Variants in HSD17B11 observed in about 807,000 individuals in gnomAD.
The protein encoded by HSD17B11 is hydroxysteroid 17-beta dehydrogenase 11.
HSD17B11 carries 22 observed loss-of-function variants against 27.8 expected under a neutral mutation model. The observed-to-expected ratio is 0.79, with a 90% CI of 0.56 to 1.13. HSD17B11 has a LOEUF of 1.13. Among genes scored for constraint, HSD17B11 ranks in the 50% most tolerant of loss-of-function variants. The pLI is 0.00. For missense variants in HSD17B11, 314 were observed against 351.1 expected (o/e 0.89, Z 0.84); for synonymous variants, 117 against 132.8 (o/e 0.88, Z 0.82).
intron 4 of HSD17B11, among the ~76,000 whole-genome samples, chr4:87,371,895 T>C (rs1269370431): frequency 6.6e-6 from 1 of 152,096 alleles, no homozygotes; most frequent in Non-Finnish European, 1.5e-5. Flanking sequence ...AAACCCCTTG[T>C]GTGGTTGCAA....
intron 5 of HSD17B11, among the ~76,000 whole-genome samples, chr4:87,346,406 T>A (rs1560759010): frequency 1.3e-5 from 2 of 152,170 alleles, no homozygotes; most frequent in African/African-American, 4.8e-5. Context: ...CCCAACACTT[T>A]GGGAGGCCGA....
chr4:87,355,644 C>T (rs1182168717), intron 5 of HSD17B11, among the ~76,000 whole-genome samples: 7 of 152,198 alleles, frequency 4.6e-5, no homozygotes, highest in Admixed American at 3.9e-4. Context: ...TGGCTCATGC[C>T]TGTAATCCCA....
Position 87,391,114 on chromosome 4 carries a change from T to TTTTTTTA in HSD17B11, c.-45_-44insTAAAAAA. On this transcript the variant is annotated 5_prime_UTR_variant, in exon 1 of 7. Coordinates refer to ENST00000358290, the MANE Select transcript of HSD17B11 (RefSeq NM_016245.5). ...CGTTTGGTGTGTTTTTTTTTTTTTT[T>TTTTTTTA]ACCACTCTAAACTGCTTTTAGAGGG... 7.1e-7 allele frequency: 1 copy of TTTTTTTA among 1,400,118 alleles called. No homozygotes were observed. The highest frequency in any genetic ancestry group is 9.8e-7 in the Non-Finnish European group (1 of 1,021,032). 86.7% of individuals were successfully genotyped at this position (1,400,118 alleles called of 1,614,324 possible).
intron 5 of HSD17B11, among the ~76,000 whole-genome samples, chr4:87,343,017 C>A (rs1217248064): frequency 6.6e-6 from 1 of 152,202 alleles, no homozygotes; most frequent in African/African-American, 2.4e-5. Context: ...CTTCAATATT[C>A]TCAAGCTCAA....
intron 4 of HSD17B11, among the ~76,000 whole-genome samples, chr4:87,370,081 A>G (rs6531983): frequency 0.77 from 116,573 of 152,108 alleles, 45,658 homozygotes; most frequent in African/African-American, 0.92. Context: ...AGCTAGAATA[A>G]ATTATTTTCT....
intron 5 of HSD17B11, among the ~76,000 whole-genome samples, chr4:87,356,121 C>G (rs1367072444): frequency 6.6e-6 from 1 of 152,118 alleles, no homozygotes; most frequent in Non-Finnish European, 1.5e-5. Flanking sequence ...AGAAGGCAGA[C>G]TGATGAAGAA....
intron 2 of HSD17B11, among the ~76,000 whole-genome samples, chr4:87,379,192 G>A (rs1399731354): frequency 6.7e-6 from 1 of 148,498 alleles, no homozygotes; most frequent in African/African-American, 2.5e-5. Context: ...CCTGACTTCA[G>A]GTGACCATGT....
chr4:87,337,259 T>G lies in HSD17B11; in HGVS notation c.*17A>C, dbSNP rs1735071850. On this transcript the variant is annotated 3_prime_UTR_variant, in exon 7 of 7. Coordinates refer to ENST00000358290, the MANE Select transcript of HSD17B11 (RefSeq NM_016245.5). ...TCAACCTAAACCTGGTAAATCAGTTTTCAGAAAACTAGGTGCTTATTGCGC... is the reference window on the plus strand; with the variant it reads ...TCAACCTAAACCTGGTAAATCAGTTGTCAGAAAACTAGGTGCTTATTGCGC... 1 of 1,505,726 alleles carries G rather than the reference T, an allele frequency of 6.6e-7. No homozygotes were observed. The highest frequency in any genetic ancestry group is 1.4e-5 in the African/African-American group (1 of 72,740). The allele number at this position is 1,505,726 out of a possible 1,614,324, so 93.3% of individuals were successfully genotyped here.
intron 5 of HSD17B11, 74 bp from the exon 6 acceptor site, chr4:87,340,680 G>T: frequency 1.1e-6 from 1 of 918,914 alleles, no homozygotes; most frequent in Non-Finnish European, 1.8e-6. Context: ...CTAACCAACA[G>T]CTTTAGTATG....
intron 2 of HSD17B11, among the ~76,000 whole-genome samples, chr4:87,378,929 A>T (rs57704860): frequency 5.7e-3 from 41 of 7,232 alleles, no homozygotes; most frequent in African/African-American, 0.015. Context: ...AATATATATA[A>T]ATATATATAT....
chr4:87,372,838 G>GA (rs1404837071), intron 3 of HSD17B11, 23 bp from the exon 4 acceptor site: 2 of 1,416,556 alleles, frequency 1.4e-6, no homozygotes, highest in Non-Finnish European at 2.0e-6. Flanking sequence ...TTTATTAAAA[G>GA]AGAAAAAATA....
intron 2 of HSD17B11, among the ~76,000 whole-genome samples, chr4:87,375,084 A>G (rs113033658): frequency 0.052 from 7,916 of 152,126 alleles, 706 homozygotes; most frequent in African/African-American, 0.18. Flanking sequence ...TTTTTAGTAG[A>G]GATTGGATTT....
At chr4:87,343,578 C>G (rs75400391) in intron 5 of HSD17B11, among the ~76,000 whole-genome samples, 4 of 138,304 alleles carry the variant, frequency 2.9e-5, no homozygotes, top group Admixed American at 7.8e-5. Context: ...GACAGAGTCT[C>G]GCTCTGTCGC....
At chr4:87,370,565 A>C (rs956643323) in intron 4 of HSD17B11, among the ~76,000 whole-genome samples, 5 of 148,940 alleles carry the variant, frequency 3.4e-5, no homozygotes, top group African/African-American at 1.2e-4. Context: ...ACAGGCACGT[A>C]CCACACACCC....
chr4:87,373,657 C>T (rs2110125728), intron 3 of HSD17B11, among the ~76,000 whole-genome samples: 1 of 152,112 alleles, frequency 6.6e-6, no homozygotes, highest in East Asian at 1.9e-4. Flanking sequence ...CTGCAGTGAG[C>T]CAAAATCACG....
At chr4:87,390,408 G>A (rs868352416) in intron 1 of HSD17B11, among the ~76,000 whole-genome samples, 3 of 152,256 alleles carry the variant, frequency 2.0e-5, no homozygotes, top group Middle Eastern at 3.4e-3. Context: ...CGCCTGCCTT[G>A]GACTCCCAAA....
intron 2 of HSD17B11, among the ~76,000 whole-genome samples, chr4:87,376,521 A>C (rs1394641375): frequency 5.2e-4 from 77 of 146,806 alleles, no homozygotes; most frequent in Middle Eastern, 3.5e-3. Context: ...AAAAAAAAAA[A>C]ACCCAAAAAA....
chr4:87,386,284 C>T (rs1578049109), intron 1 of HSD17B11, among the ~76,000 whole-genome samples: 1 of 151,970 alleles, frequency 6.6e-6, no homozygotes, highest in East Asian at 1.9e-4. Context: ...CTCACTGTAG[C>T]CTCTGCCTTC....
At chr4:87,378,895 A>AATAT (rs1303288739) in intron 2 of HSD17B11, among the ~76,000 whole-genome samples, 1 of 8,410 alleles carries the variant, frequency 1.2e-4, no homozygotes, top group Non-Finnish European at 1.8e-4. Flanking sequence ...TATATATATA[A>AATAT]ATATATATAA....
Sources: gnomAD v4.1 joint callset for allele counts (sites outside exome capture counted in the v4.1 genomes callset) on GRCh38, gnomAD v4.1.1 for gene constraint, MANE v1.5 for transcripts, NCBI Gene and HGNC (gene_info 2026-07-23, HGNC 2026-07-21) for gene names.